The following DRC1 variants were observed in gnomAD, a reference collection of about 807,000 sequenced individuals.
DRC1 encodes dynein regulatory complex subunit 1, also known as dynein regulatory complex protein 1.
A neutral mutation model predicts 98.7 loss-of-function variants in DRC1; 74 were observed. The observed-to-expected ratio is 0.75, with a 90% CI of 0.62 to 0.91. DRC1 has a LOEUF of 0.91. Ranked by LOEUF, DRC1 falls within the 40% of genes least tolerant of loss-of-function variation. The pLI, the probability that DRC1 is intolerant of heterozygous loss-of-function variation, is 0.00. For synonymous variants in DRC1, 336 were observed against 334.1 expected (o/e 1.01, Z -0.06); for missense variants, 875 against 886.0 (o/e 0.99, Z 0.16).
intron 1 of DRC1, among the ~76,000 whole-genome samples, chr2:26,406,748 G>GCCCTGATA: frequency 6.6e-6 from 1 of 150,930 alleles, no homozygotes; most frequent in East Asian, 1.9e-4. Context: ...TGTGCTAATG[G>GCCCTGATA]CCCTGATACT....
Position 26,448,094 on chromosome 2 carries a change from G to A in DRC1, c.1397-597G>A, listed in dbSNP as rs536802136. On this transcript the variant is annotated intron_variant, in intron 10 of 16. Coordinates refer to ENST00000288710, the MANE Select transcript of DRC1 (RefSeq NM_145038.5). ...ACAGAAATTAGCCAGGTGTCGCGGT[G>A]GGTGTCTGTAATCCCAGCTACTTGG... Among the ~76,000 whole-genome samples the A allele has an allele frequency of 5.9e-5, 9 of 151,482 alleles. No homozygotes were observed. In the East Asian group the frequency reaches 1.2e-3, roughly 20 times the overall value.
At position 26,410,031 on chromosome 2, in the gene DRC1, G is replaced by GA. The variant is rs936330830; in HGVS notation, c.156-4305dup. Among the ~76,000 whole-genome samples the GA allele has an allele frequency of 2.7e-5, 4 of 149,284 alleles. No individual in the cohort carries two copies. The East Asian group carries it at 5.8e-4, about 22-fold the overall frequency. ...TTGAAGTCTTTGGGGGAAAAAGAGGGAAAAAAAAGATCCTCAAAGAAAAAA... is the reference window on the plus strand; with the variant it reads ...TTGAAGTCTTTGGGGGAAAAAGAGGGAAAAAAAAAGATCCTCAAAGAAAAAA... On this transcript the variant is annotated intron_variant, in intron 1 of 16. Transcript: ENST00000288710.
At chr2:26,424,198 G>C in intron 3 of DRC1, 73 bp from the exon 4 acceptor site, 1 of 1,565,152 alleles carries the variant, frequency 6.4e-7, no homozygotes, top group Non-Finnish European at 8.7e-7. Context: ...AGAGATTCTA[G>C]AGAACGTACC....
At chr2:26,417,013 T>G (rs530102989) in intron 2 of DRC1, among the ~76,000 whole-genome samples, 3 of 151,820 alleles carry the variant, frequency 2.0e-5, no homozygotes, top group Non-Finnish European at 4.4e-5. Flanking sequence ...GCCACACACT[T>G]TACAACAGCC....
At chr2:26,447,480 T>G (rs1663885786) in intron 10 of DRC1, among the ~76,000 whole-genome samples, 1 of 152,242 alleles carries the variant, frequency 6.6e-6, no homozygotes, top group Non-Finnish European at 1.5e-5. Context: ...ATCACCAGCT[T>G]GATACACATA....
At chr2:26,419,685 G>C (rs1421541871) in intron 2 of DRC1, among the ~76,000 whole-genome samples, 1 of 152,144 alleles carries the variant, frequency 6.6e-6, no homozygotes, top group East Asian at 1.9e-4. Flanking sequence ...TAGGTTCCTA[G>C]TTTAAAAATT....
rs147093059 is a variant in DRC1 at position 26,440,857 on chromosome 2, T to C, written c.1028+340T>C. Among the ~76,000 whole-genome samples, 222 of 152,316 alleles carry C rather than the reference T, an allele frequency of 1.5e-3. 7 individuals carry two copies. The highest frequency in any genetic ancestry group is 1.9e-4 in the Non-Finnish European group (13 of 68,034). The stretch of plus-strand genomic sequence containing the variant: ...TGATGGCAGTCTGTACACACTCCTG[T>C]ATATCTTGAAGGCCTTTCCATCCCA... On this transcript the variant is annotated intron_variant, in intron 8 of 16. Transcript: ENST00000288710.
intron 16 of DRC1, 44 bp from the exon 17 acceptor site, chr2:26,456,417 G>C: frequency 6.2e-7 from 1 of 1,612,976 alleles, no homozygotes; most frequent in East Asian, 2.2e-5. Context: ...CAAAGAAGGA[G>C]GGCCCTGGGA....
chr2:26,415,557 G>C (rs771763535), intron 2 of DRC1, among the ~76,000 whole-genome samples: 4 of 152,148 alleles, frequency 2.6e-5, no homozygotes, highest in Non-Finnish European at 5.9e-5. Context: ...GACTGATGTG[G>C]GTTTTTGTTC....
intron 6 of DRC1, 32 bp downstream of exon 6, chr2:26,430,904 TG>T: frequency 6.4e-7 from 1 of 1,574,600 alleles, no homozygotes; most frequent in Middle Eastern, 1.7e-4. Context: ...GAGTGATCCG[TG>T]GGGTCTGGGT....
chr2:26,454,994 C>A lies in DRC1; in HGVS notation c.2064-137C>A. On this transcript the variant is annotated intron_variant, in intron 15 of 16. Coordinates refer to ENST00000288710, the MANE Select transcript of DRC1 (RefSeq NM_145038.5). The surrounding 1 kb of genome is among the most constrained non-coding windows in gnomAD (Gnocchi z 5.2). ...GTTCTGTTCCTGCTAACCTGGCTCA[C>A]CTGGCGGCTGGGTGAAGAGTGTAGC... The A allele has an allele frequency of 7.4e-7, 1 of 1,345,418 alleles. No individual in the cohort carries two copies. The highest frequency in any genetic ancestry group is 1.1e-6 in the Non-Finnish European group (1 of 949,828). 83.3% of individuals were successfully genotyped at this position (1,345,418 alleles called of 1,614,324 possible).
intron 7 of DRC1, among the ~76,000 whole-genome samples, chr2:26,437,051 T>C (rs1251815352): frequency 3.3e-5 from 5 of 152,222 alleles, no homozygotes; most frequent in Non-Finnish European, 7.3e-5. Context: ...TTATGTTCAG[T>C]CCACGTGTAT....
rs10202951 is a variant in DRC1, at chr2:26,419,684, A to G, written c.244-1604A>G. On this transcript the variant is annotated intron_variant, in intron 2 of 16. Coordinates refer to ENST00000288710, the MANE Select transcript of DRC1 (RefSeq NM_145038.5). ...TGGTGTAGAAGTTTTATAGGTTCCT[A>G]GTTTAAAAATTATTTGAGAGTTGGA... Among the ~76,000 whole-genome samples the G allele has an allele frequency of 7.8e-3, 1,190 of 152,298 alleles. 17 individuals carry two copies. Among genetic ancestry groups the G allele is most frequent in the African/African-American group, 0.027 (1,114 of 41,550 alleles).
intron 13 of DRC1, among the ~76,000 whole-genome samples, chr2:26,450,888 C>T (rs956079673): frequency 3.3e-5 from 5 of 152,092 alleles, no homozygotes; most frequent in African/African-American, 1.2e-4. Flanking sequence ...TAGCCCCCAC[C>T]CCCCGACAGG....
intron 1 of DRC1, among the ~76,000 whole-genome samples, chr2:26,406,229 T>G (rs1678421925): frequency 6.6e-6 from 1 of 152,226 alleles, no homozygotes; most frequent in Non-Finnish European, 1.5e-5. Context: ...AGGAATATTT[T>G]ACTACTGACA....
chr2:26,423,460 C>T (rs1024567259), intron 3 of DRC1, among the ~76,000 whole-genome samples: 3 of 152,098 alleles, frequency 2.0e-5, no homozygotes, highest in Admixed American at 2.0e-4. Flanking sequence ...GAGTCTCTGG[C>T]AGATATCTTA....
intron 7 of DRC1, among the ~76,000 whole-genome samples, chr2:26,434,902 A>G (rs2147994145): frequency 6.6e-6 from 1 of 151,868 alleles, no homozygotes; most frequent in South Asian, 2.1e-4. Flanking sequence ...AAAAAAAAAA[A>G]AAAGAAAGAA....
At chr2:26,434,807 T>C (rs1488340503) in intron 7 of DRC1, among the ~76,000 whole-genome samples, 1 of 150,584 alleles carries the variant, frequency 6.6e-6, no homozygotes, top group African/African-American at 2.4e-5. Flanking sequence ...AGGAGAATGG[T>C]GTGAACCAGG....
rs746409714 is a variant in DRC1, at chr2:26,440,339, G to A, written c.889-39G>A. On this transcript the variant is annotated intron_variant, in intron 7 of 16. Coordinates refer to ENST00000288710, the MANE Select transcript of DRC1 (RefSeq NM_145038.5). ...TGTGTTTGTGTGTGTGTGTGTGTGT[G>A]TGTGTGTATATATATATATATAGTT... 42 of 1,537,026 alleles carry A rather than the reference G, an allele frequency of 2.7e-5. No individual in the cohort carries two copies. The African/African-American group carries it at 4.6e-4, about 17-fold the overall frequency.
Sources: allele counts gnomAD v4.1 joint callset (sites outside exome capture counted in the v4.1 genomes callset), GRCh38; gene constraint gnomAD v4.1.1; non-coding constraint Gnocchi (gnomAD v3.1); transcripts MANE v1.5; gene names NCBI Gene and HGNC (gene_info 2026-07-23, HGNC 2026-07-21).